PIGN: variants seen among roughly 807,000 people sequenced by gnomAD.
The protein encoded by PIGN is GPI ethanolamine phosphate transferase 1.
Under a neutral mutation model 125.4 loss-of-function variants are expected in PIGN, and 117 were observed. That is an observed-to-expected ratio of 0.93 (90% CI 0.80 to 1.09). The LOEUF (loss-of-function observed/expected upper bound fraction) is 1.09, where lower values mean the gene tolerates loss of function less well. Ranked by LOEUF, PIGN falls within the 50% of genes least tolerant of loss-of-function variation. The pLI is 0.00. For synonymous variants in PIGN, 392 were observed against 377.8 expected (o/e 1.04, Z -0.44); for missense variants, 1,075 against 1,094.9 (o/e 0.98, Z 0.26).
At chr18:62,159,261 C>CA (rs1482936568) in intron 4 of PIGN, among the ~76,000 whole-genome samples, 2 of 152,016 alleles carry the variant, frequency 1.3e-5, no homozygotes, top group Non-Finnish European at 2.9e-5. Context: ...ATAACAACAA[C>CA]AAAAAACCTT....
chr18:62,173,531 G>C (rs2037411675), intron 1 of PIGN, among the ~76,000 whole-genome samples: 1 of 152,156 alleles, frequency 6.6e-6, no homozygotes, highest in African/African-American at 2.4e-5. Flanking sequence ...ATTGCACCCA[G>C]CCTTGGTGTC....
chr18:62,071,372 T>A (rs1474440719), intron 30 of PIGN, among the ~76,000 whole-genome samples: 1 of 152,044 alleles, frequency 6.6e-6, no homozygotes, highest in Non-Finnish European at 1.5e-5. Flanking sequence ...ACATCTATCA[T>A]CCTCCCCACA....
intron 28 of PIGN, among the ~76,000 whole-genome samples, chr18:62,078,018 G>C (rs528434939): frequency 1.3e-5 from 2 of 152,238 alleles, no homozygotes; most frequent in East Asian, 3.9e-4. Context: ...TTGGACTAGG[G>C]CCCACCCATA....
intron 30 of PIGN, among the ~76,000 whole-genome samples, chr18:62,054,523 G>A (rs1212275468): frequency 3.4e-5 from 4 of 115,978 alleles, no homozygotes; most frequent in Admixed American, 3.3e-4. Context: ...GCAGGGTCTT[G>A]CTCTGTCACC....
chr18:62,173,241 C>T (rs552139795), intron 1 of PIGN, among the ~76,000 whole-genome samples: 222 of 152,230 alleles, frequency 1.5e-3, no homozygotes, highest in African/African-American at 5.1e-3. Flanking sequence ...TAAAACGCAA[C>T]TTGGTGTCTA....
intron 22 of PIGN, among the ~76,000 whole-genome samples, chr18:62,099,469 A>T (rs994052789): frequency 4.0e-5 from 6 of 151,796 alleles, no homozygotes; most frequent in African/African-American, 1.2e-4. Context: ...GTGGGCCCAC[A>T]AAAGACTCTG....
At chr18:62,135,281 CAA>C (rs1282116186) in intron 14 of PIGN, among the ~76,000 whole-genome samples, 1 of 152,086 alleles carries the variant, frequency 6.6e-6, no homozygotes, top group Non-Finnish European at 1.5e-5. Context: ...CATATGACCT[CAA>C]GAGTCCATTT....
intron 23 of PIGN, among the ~76,000 whole-genome samples, chr18:62,018,047 G>T (rs2030003138): frequency 6.6e-6 from 1 of 152,228 alleles, no homozygotes; most frequent in African/African-American, 2.4e-5. Flanking sequence ...CCCACCTTGA[G>T]AGAAGAACAG....
chr18:62,157,102 T>C, intron 6 of PIGN, 27 bp downstream of exon 6: 1 of 1,194,640 alleles, frequency 8.4e-7, no homozygotes. Flanking sequence ...ATTTACTATC[T>C]GAGGAAACAT....
chr18:62,060,539 T>G (rs942255618), intron 30 of PIGN, among the ~76,000 whole-genome samples: 1 of 152,172 alleles, frequency 6.6e-6, no homozygotes, highest in Non-Finnish European at 1.5e-5. Context: ...TGACACTTAT[T>G]AATTACATTT....
chr18:62,065,831 T>C (rs1016579430), intron 30 of PIGN, among the ~76,000 whole-genome samples: 3 of 152,174 alleles, frequency 2.0e-5, no homozygotes, highest in South Asian at 2.1e-4. Context: ...TGTTAGTAAG[T>C]AGGAAAAAGA....
intron 23 of PIGN, among the ~76,000 whole-genome samples, chr18:62,017,990 A>C (rs1489480269): frequency 6.6e-6 from 1 of 152,222 alleles, no homozygotes; most frequent in Non-Finnish European, 1.5e-5. Context: ...AACAGTGTGC[A>C]CCACAAAAGC....
chr18:62,074,851 CTA>C, intron 28 of PIGN, 30 bp from the exon 29 acceptor site: 4 of 1,487,300 alleles, frequency 2.7e-6, no homozygotes, highest in Non-Finnish European at 3.7e-6. Context: ...AAAATTACAT[CTA>C]ATACAACAGG....
chr18:62,100,983 C>T lies in PIGN; in HGVS notation c.2077+92G>A, dbSNP rs537309309. 60 of 712,138 alleles carry T rather than the reference C, an allele frequency of 8.4e-5. No individual in the cohort carries two copies. The South Asian group carries it at 9.3e-4, about 11-fold the overall frequency. The allele number at this position is 712,138 out of a possible 1,614,324, so 44.1% of individuals were successfully genotyped here. On this transcript the variant is annotated intron_variant, in intron 22 of 30. Transcript: ENST00000640252. ...TTATTTTCCTGCAATAAAATTATTT[C>T]TTTCAATAACAATGATACAGACATA...
rs772807043 is a variant in PIGN, at chr18:62,138,967, T to G, written c.1116+16A>C. 8 of 1,485,112 alleles carry G rather than the reference T, an allele frequency of 5.4e-6. No individual in the cohort carries two copies. 92.0% of individuals were successfully genotyped at this position (1,485,112 alleles called of 1,614,324 possible). A position where few individuals can be genotyped will look rare whatever the true frequency, so the allele number is the denominator to read the frequency against. ...TTGTCCATTTTTGTGCGTGCCTTTT[T>G]GAATTTTTTTTTTACCTTGAACTGT... On this transcript the variant is annotated intron_variant, in intron 13 of 30. Transcript: ENST00000640252.
chr18:62,084,291 T>C (rs1042863394), intron 27 of PIGN, among the ~76,000 whole-genome samples: 2 of 152,204 alleles, frequency 1.3e-5, no homozygotes, highest in African/African-American at 4.8e-5. Flanking sequence ...TAATCACATC[T>C]GATAAGATCC....
At chr18:62,138,615 C>T (rs987591926) in intron 13 of PIGN, among the ~76,000 whole-genome samples, 2 of 152,138 alleles carry the variant, frequency 1.3e-5, no homozygotes, top group Non-Finnish European at 2.9e-5. Context: ...AGGTTTTAGT[C>T]AAAGGGTCAC....
intron 23 of PIGN, among the ~76,000 whole-genome samples, chr18:62,020,918 G>A (rs959890917): frequency 6.7e-5 from 10 of 149,756 alleles, no homozygotes; most frequent in South Asian, 6.3e-4. Flanking sequence ...CCGAGATCGC[G>A]CCATTGCACA....
chr18:62,049,512 T>C (rs1330951898), intron 30 of PIGN, among the ~76,000 whole-genome samples: 1 of 152,108 alleles, frequency 6.6e-6, no homozygotes, highest in East Asian at 1.9e-4. Context: ...TTTTGAGAAG[T>C]GTCTGTCCAT....
Sources: gnomAD v4.1 joint callset for allele counts (sites outside exome capture counted in the v4.1 genomes callset) on GRCh38, gnomAD v4.1.1 for gene constraint, MANE v1.5 for transcripts, NCBI Gene and HGNC (gene_info 2026-07-23, HGNC 2026-07-21) for gene names.